Variants in CD109 observed in about 807,000 individuals in gnomAD.
The protein encoded by CD109 is CD109 antigen.
A neutral mutation model predicts 165.8 loss-of-function variants in CD109; 149 were observed. That is an observed-to-expected ratio of 0.90 (90% confidence interval 0.79 to 1.03). The LOEUF is 1.03. CD109 is among the 50% of genes least tolerant of loss of function. The pLI is 0.00. For synonymous variants in CD109, 585 were observed against 592.1 expected (o/e 0.99, Z 0.18); for missense variants, 1,712 against 1,677.8 (o/e 1.02, Z -0.36).
At chr6:73,728,803 A>G (rs1772236429) in intron 3 of CD109, among the ~76,000 whole-genome samples, 1 of 152,246 alleles carries the variant, frequency 6.6e-6, no homozygotes, top group South Asian at 2.1e-4. Context: ...CAGTTTTAAT[A>G]TGAAAATCAA....
intron 31 of CD109, among the ~76,000 whole-genome samples, chr6:73,819,820 A>C (rs889042379): frequency 6.6e-6 from 1 of 152,232 alleles, no homozygotes; most frequent in Admixed American, 6.5e-5. Flanking sequence ...TTTGTCTTCT[A>C]TCTTTGATGC....
Position 73,768,172 on chromosome 6 carries a change from G to C in CD109, c.1615G>C (p.Asp539His), listed in dbSNP as rs762332426. The C allele has an allele frequency of 7.5e-6, 12 of 1,599,952 alleles. No homozygotes were observed. The highest frequency in any genetic ancestry group is 1.0e-5 in the Non-Finnish European group (12 of 1,167,656). ...TGTAATTGTGTATTATATTGAAGAT[G>C]ATGGGGAAATTATAAGTGATGTTCT... ...ACVIVYYIED[D>H]GEIISDVLKI... Residue 539 changes from aspartate (D) to histidine (H), a missense_variant, in exon 14 of 33, where the codon GAT becomes CAT. By Grantham distance (81) the Asp-to-His change is moderately conservative. Coordinates refer to ENST00000287097, the MANE Select transcript of CD109 (RefSeq NM_133493.5).
intron 23 of CD109, among the ~76,000 whole-genome samples, chr6:73,799,278 T>A (rs535546946): frequency 6.6e-6 from 1 of 152,356 alleles, no homozygotes; most frequent in Non-Finnish European, 1.5e-5. Flanking sequence ...GTTTATGTTT[T>A]GAACATGTAG....
At chr6:73,723,107 A>G (rs1582061559) in intron 2 of CD109, 144 bp from the exon 3 acceptor site, 2 of 1,537,738 alleles carry the variant, frequency 1.3e-6, no homozygotes, top group Non-Finnish European at 1.7e-6. Flanking sequence ...TCTTCTGGGC[A>G]TTTAAATGTC....
At chr6:73,795,619 C>T (rs1475537977) in intron 23 of CD109, among the ~76,000 whole-genome samples, 3 of 152,154 alleles carry the variant, frequency 2.0e-5, no homozygotes, top group Non-Finnish European at 2.9e-5. Context: ...AAAAAAGCAT[C>T]GTTCTCTAAA....
At chr6:73,782,140 G>A (rs567760223) in intron 17 of CD109, among the ~76,000 whole-genome samples, 6 of 152,148 alleles carry the variant, frequency 3.9e-5, no homozygotes, top group South Asian at 2.1e-4. Flanking sequence ...CTAAGCCCCC[G>A]GGTCTCTTTG....
chr6:73,791,192 CATATATATATATAT>C (rs58117133), intron 22 of CD109, among the ~76,000 whole-genome samples: 1 of 69,234 alleles, frequency 1.4e-5, no homozygotes, highest in African/African-American at 7.0e-5. Flanking sequence ...CACACACATA[CATATATATATATAT>C]ATATATATAT....
intron 15 of CD109, among the ~76,000 whole-genome samples, chr6:73,778,596 T>G (rs918032945): frequency 6.6e-6 from 1 of 152,206 alleles, no homozygotes; most frequent in Non-Finnish European, 1.5e-5. Flanking sequence ...CTCTAGCCTT[T>G]TCTCTCCAAT....
chr6:73,756,193 A>G (rs1351364357), intron 5 of CD109, among the ~76,000 whole-genome samples: 1 of 152,250 alleles, frequency 6.6e-6, no homozygotes, highest in Non-Finnish European at 1.5e-5. Context: ...TTAATTATTT[A>G]TAAGTATTTG....
intron 2 of CD109, among the ~76,000 whole-genome samples, chr6:73,718,984 C>T (rs545886878): frequency 1.5e-4 from 23 of 151,730 alleles, no homozygotes; most frequent in Non-Finnish European, 2.8e-4. Context: ...TTCTAGTAGC[C>T]GCACTAAAAA....
chr6:73,729,848 G>A (rs768540310), intron 3 of CD109, among the ~76,000 whole-genome samples: 1 of 152,064 alleles, frequency 6.6e-6, no homozygotes, highest in East Asian at 1.9e-4. Context: ...AGTAGAAGTA[G>A]CAGCATCATC....
At chr6:73,810,235 A>T in intron 27 of CD109, 61 bp downstream of exon 27, 1 of 369,854 alleles carries the variant, frequency 2.7e-6, no homozygotes, top group Admixed American at 5.4e-5. Context: ...TATTTATTAT[A>T]TATATTTTAT....
chr6:73,722,844 TG>T (rs1445922603), intron 2 of CD109, among the ~76,000 whole-genome samples: 1 of 152,202 alleles, frequency 6.6e-6, no homozygotes, highest in Non-Finnish European at 1.5e-5. Context: ...ACATGACTAA[TG>T]CCTTCCTTTC....
intron 5 of CD109, among the ~76,000 whole-genome samples, chr6:73,739,281 CT>C (rs1298422508): frequency 6.6e-6 from 1 of 152,022 alleles, no homozygotes; most frequent in Non-Finnish European, 1.5e-5. Context: ...AAAAAGAGCC[CT>C]TTTAGAACCA....
chr6:73,790,351 C>G (rs1488603882), intron 22 of CD109, among the ~76,000 whole-genome samples: 4 of 152,164 alleles, frequency 2.6e-5, no homozygotes, highest in Non-Finnish European at 5.9e-5. Context: ...CCACCTCAGC[C>G]TCCCAAAGTG....
At chr6:73,768,321 C>T in intron 14 of CD109, 90 bp downstream of exon 14, 1 of 767,276 alleles carries the variant, frequency 1.3e-6, no homozygotes, top group Non-Finnish European at 2.1e-6. Context: ...TATCATTAAG[C>T]CAAACTGGTT....
chr6:73,804,524 C>G (rs182321415), intron 24 of CD109, among the ~76,000 whole-genome samples: 2 of 152,092 alleles, frequency 1.3e-5, no homozygotes, highest in Non-Finnish European at 2.9e-5. Flanking sequence ...TTTTAAAACC[C>G]GCTCTTAGGT....
intron 31 of CD109, 42 bp from the exon 32 acceptor site, chr6:73,820,419 C>T (rs748660517): frequency 9.2e-7 from 1 of 1,086,380 alleles, no homozygotes; most frequent in Non-Finnish European, 1.4e-6. Flanking sequence ...ATCATGAACA[C>T]ACAGTGTGCC....
At chr6:73,694,558 A>G (rs1030456051), upstream of CD109, 3 of 152,230 alleles carry the variant, frequency 2.0e-5, no homozygotes, top group African/African-American at 7.2e-5. Context: ...GAAGTGAAAG[A>G]TTGAGAAGAA....
Sources: gnomAD v4.1 joint callset for allele counts (sites outside exome capture counted in the v4.1 genomes callset) on GRCh38, gnomAD v4.1.1 for gene constraint, MANE v1.5 for transcripts, NCBI Gene and HGNC (gene_info 2026-07-23, HGNC 2026-07-21) for gene names.